GRID2: variants seen among roughly 807,000 people sequenced by gnomAD.
GRID2 encodes the protein glutamate ionotropic receptor delta type subunit 2.
Under a neutral mutation model 114.8 loss-of-function variants are expected in GRID2, and 33 were observed. The observed-to-expected ratio is 0.29, with a 90% CI of 0.22 to 0.38. The LOEUF (loss-of-function observed/expected upper bound fraction) is 0.38. GRID2 is among the 10% of genes least tolerant of loss of function. GRID2 has a pLI of 1.00. For missense variants in GRID2, 1,184 were observed against 1,257.7 expected, an observed-to-expected ratio of 0.94 and a Z score of 0.89; for synonymous variants, 505 against 449.9, an observed-to-expected ratio of 1.12 and a Z score of -1.55.
chr4:92,940,177 A>G (rs1750996387), intron 2 of GRID2, among the ~76,000 whole-genome samples: 1 of 147,092 alleles, frequency 6.8e-6, no homozygotes, highest in Non-Finnish European at 1.5e-5. Context: ...TTTTCACAAT[A>G]TTGATTCTTC....
intron 1 of GRID2, among the ~76,000 whole-genome samples, chr4:92,330,537 C>T (rs183731106): frequency 3.9e-5 from 6 of 152,216 alleles, no homozygotes; most frequent in Admixed American, 2.0e-4. Context: ...AAGAATTCCT[C>T]CCCTCAAGAA....
chr4:93,545,277 A>G (rs772658387), intron 13 of GRID2, among the ~76,000 whole-genome samples: 1 of 152,182 alleles, frequency 6.6e-6, no homozygotes, highest in Non-Finnish European at 1.5e-5. Flanking sequence ...GACTGGGAGG[A>G]ACTAATTTAG....
At position 93,282,449 on chromosome 4, in the gene GRID2, G is replaced by A. The variant is rs556538526; in HGVS notation, c.1245+43959G>A. On this transcript the variant is annotated intron_variant, in intron 8 of 15. Transcript: ENST00000282020. Reference sequence around the variant, plus strand: ...GTTCTTCTTGCTGCATCATCTTATGGAAGAAAACATAAGAGCAGAAGACCG... The same window carrying A: ...GTTCTTCTTGCTGCATCATCTTATGAAAGAAAACATAAGAGCAGAAGACCG... 297 of 424,414 alleles carry A rather than the reference G, an allele frequency of 7.0e-4. 2 individuals are homozygous for A. Among genetic ancestry groups the A allele is most frequent in the South Asian group, 5.0e-3 (293 of 58,258 alleles). The allele number at this position is 424,414 out of a possible 1,614,324, so 26.3% of individuals were successfully genotyped here.
chr4:93,266,911 T>C (rs1313311418), intron 8 of GRID2, among the ~76,000 whole-genome samples: 1 of 152,108 alleles, frequency 6.6e-6, no homozygotes, highest in Admixed American at 6.5e-5. Context: ...CGTGTACTCA[T>C]CACGTAATTT....
chr4:92,689,626 A>G (rs1734080030), intron 2 of GRID2, among the ~76,000 whole-genome samples: 3 of 152,190 alleles, frequency 2.0e-5, no homozygotes, highest in Admixed American at 1.3e-4. Context: ...CAACTAATTC[A>G]TGATGATCAG....
rs552879052 is a variant in GRID2 at position 93,165,668 on chromosome 4, A to G, written c.736-41736A>G. ...TTTTGCGCTAACTCCTCTTTCTCTCAGAGTATCTGCTTTTTCATATCAGAG... is the reference window on the plus strand; with the variant it reads ...TTTTGCGCTAACTCCTCTTTCTCTCGGAGTATCTGCTTTTTCATATCAGAG... On this transcript the variant is annotated intron_variant, in intron 4 of 15. Transcript: ENST00000282020. Among the ~76,000 whole-genome samples the G allele has an allele frequency of 2.0e-5, 3 of 152,254 alleles. No individual in the cohort carries two copies. In the East Asian group the frequency reaches 5.8e-4, roughly 29 times the overall value.
intron 1 of GRID2, among the ~76,000 whole-genome samples, chr4:92,411,751 G>C (rs1246765615): frequency 1.3e-5 from 2 of 149,470 alleles, no homozygotes; most frequent in East Asian, 4.0e-4. Context: ...TGTCGCCCAG[G>C]CTGGAGTGCA....
chr4:93,604,686 C>T (rs956991131), intron 13 of GRID2, among the ~76,000 whole-genome samples: 1 of 152,140 alleles, frequency 6.6e-6, no homozygotes, highest in African/African-American at 2.4e-5. Context: ...TTTTTAAAAA[C>T]TGCCACAGAC....
intron 1 of GRID2, among the ~76,000 whole-genome samples, chr4:92,339,591 G>A (rs749748816): frequency 6.6e-6 from 1 of 152,090 alleles, no homozygotes; most frequent in Non-Finnish European, 1.5e-5. Context: ...GAGCAAAGGA[G>A]ACAAACAACA....
At chr4:93,719,118 G>C (rs1424885053) in intron 14 of GRID2, among the ~76,000 whole-genome samples, 1 of 151,760 alleles carries the variant, frequency 6.6e-6, no homozygotes, top group Non-Finnish European at 1.5e-5. Context: ...ATTCAGTTAT[G>C]TAATAACATT....
intron 2 of GRID2, among the ~76,000 whole-genome samples, chr4:92,793,736 G>A (rs1739707828): frequency 2.0e-5 from 3 of 151,718 alleles, no homozygotes; most frequent in Non-Finnish European, 2.9e-5. Flanking sequence ...TTTCTCTTGG[G>A]CATGCTCTAC....
At chr4:92,371,575 T>G (rs1729118168) in intron 1 of GRID2, among the ~76,000 whole-genome samples, 1 of 152,170 alleles carries the variant, frequency 6.6e-6, no homozygotes, top group Non-Finnish European at 1.5e-5. Flanking sequence ...ATTTTTAAGC[T>G]CACTGTTGAA....
chr4:93,055,158 A>G (rs1727103412), intron 2 of GRID2, among the ~76,000 whole-genome samples: 2 of 151,888 alleles, frequency 1.3e-5, no homozygotes, highest in Non-Finnish European at 2.9e-5. Flanking sequence ...GTTTCATAGT[A>G]TCTTTTGTTC....
chr4:93,324,387 AG>A (rs774779141), intron 8 of GRID2, among the ~76,000 whole-genome samples: 35 of 152,138 alleles, frequency 2.3e-4, no homozygotes, highest in Non-Finnish European at 4.6e-4. Context: ...CTTGCATCGC[AG>A]GGATGAAGCC....
At chr4:92,678,679 A>T (rs1379406085) in intron 2 of GRID2, among the ~76,000 whole-genome samples, 1 of 152,006 alleles carries the variant, frequency 6.6e-6, no homozygotes, top group Admixed American at 6.6e-5. Context: ...AGGGACTAAT[A>T]CTGATAATGT....
At chr4:92,797,647 GT>G (rs1739954855) in intron 2 of GRID2, among the ~76,000 whole-genome samples, 2 of 151,820 alleles carry the variant, frequency 1.3e-5, no homozygotes, top group South Asian at 4.1e-4. Flanking sequence ...ATGAAAAAAA[GT>G]ATCTTTATAT....
At chr4:92,413,156 C>A (rs761251338) in intron 1 of GRID2, among the ~76,000 whole-genome samples, 2 of 152,038 alleles carry the variant, frequency 1.3e-5, no homozygotes, top group African/African-American at 2.4e-5. Context: ...CAAATATTAC[C>A]CATTAAACAA....
chr4:93,169,299 A>G (rs911554786), intron 4 of GRID2, among the ~76,000 whole-genome samples: 1 of 152,186 alleles, frequency 6.6e-6, no homozygotes, highest in African/African-American at 2.4e-5. Context: ...GTTGAAATAT[A>G]GCAAATTATC....
At chr4:92,600,887 C>A (rs542880955) in intron 2 of GRID2, among the ~76,000 whole-genome samples, 1 of 152,200 alleles carries the variant, frequency 6.6e-6, no homozygotes, top group Admixed American at 6.5e-5. Flanking sequence ...GACCTCTTAA[C>A]AAAGCACTCT....
Sources: gnomAD v4.1 joint callset for allele counts (sites outside exome capture counted in the v4.1 genomes callset) on GRCh38, gnomAD v4.1.1 for gene constraint, MANE v1.5 for transcripts, NCBI Gene and HGNC (gene_info 2026-07-23, HGNC 2026-07-21) for gene names.